ZFP91: variants seen among roughly 807,000 people sequenced by gnomAD.
The protein encoded by ZFP91 is ZFP91 zinc finger protein, atypical E3 ubiquitin ligase, also known as E3 ubiquitin-protein ligase ZFP91.
Under a neutral mutation model 63.5 loss-of-function variants are expected in ZFP91, and 7 were observed. That is an observed-to-expected ratio of 0.11 (90% CI 0.06 to 0.21). The LOEUF is 0.21. Ranked by LOEUF, ZFP91 falls within the 10% of genes least tolerant of loss-of-function variation. ZFP91 has a pLI of 1.00. For missense variants in ZFP91, 628 were observed against 736.6 expected, an observed-to-expected ratio of 0.85 and a Z score of 1.71; for synonymous variants, 330 against 272.1, an observed-to-expected ratio of 1.21 and a Z score of -2.10.
intron 4 of ZFP91, 148 bp from the exon 5 acceptor site, chr11:58,610,802 C>T (rs1855647382): frequency 3.3e-6 from 2 of 600,124 alleles, no homozygotes; most frequent in African/African-American, 1.9e-5. Context: ...GATAAAACAG[C>T]TAGATTTCAG....
At chr11:58,616,279 G>T (rs2507761) in intron 9 of ZFP91, among the ~76,000 whole-genome samples, 67,397 of 151,246 alleles carry the variant, frequency 0.45, 15,158 homozygotes, top group Middle Eastern at 0.57. Flanking sequence ...CCAAGTTCTT[G>T]TTTTTTGTTT....
chr11:58,599,474 A>G (rs191896331), intron 2 of ZFP91, among the ~76,000 whole-genome samples: 8 of 152,124 alleles, frequency 5.3e-5, no homozygotes, highest in East Asian at 3.9e-4. Context: ...AATGGTTCCA[A>G]TTTCTCTGCA....
At chr11:58,579,765 C>T (rs987500434) in intron 1 of ZFP91, 143 bp downstream of exon 1, 5 of 792,476 alleles carry the variant, frequency 6.3e-6, no homozygotes, top group Non-Finnish European at 9.2e-6. Flanking sequence ...ACACCGTTTC[C>T]CCGGGAGCCT....
chr11:58,606,100 C>T (rs989975367), intron 2 of ZFP91, among the ~76,000 whole-genome samples: 12 of 151,946 alleles, frequency 7.9e-5, no homozygotes, highest in Admixed American at 3.3e-4. Context: ...TCACTCTTGT[C>T]GCCTATGCTG....
chr11:58,590,523 A>C (rs1286944389), intron 2 of ZFP91, among the ~76,000 whole-genome samples: 1 of 152,206 alleles, frequency 6.6e-6, no homozygotes, highest in Non-Finnish European at 1.5e-5. Context: ...CAGTATAATC[A>C]ATCAGTTGTA....
intron 2 of ZFP91, among the ~76,000 whole-genome samples, chr11:58,605,562 A>AT (rs200532904): frequency 1.0e-3 from 148 of 147,222 alleles, no homozygotes; most frequent in Middle Eastern, 7.1e-3. Context: ...TTGCTTGACG[A>AT]TTTTTTTTTT....
intron 2 of ZFP91, among the ~76,000 whole-genome samples, chr11:58,602,657 A>T (rs1238151548): frequency 6.6e-6 from 1 of 152,202 alleles, no homozygotes; most frequent in Admixed American, 6.5e-5. Context: ...TAACTCAGGT[A>T]CCTGTGAATG....
chr11:58,589,835 A>G (rs1007852763), intron 2 of ZFP91, among the ~76,000 whole-genome samples: 1 of 152,204 alleles, frequency 6.6e-6, no homozygotes, highest in African/African-American at 2.4e-5. Flanking sequence ...TCCTACAAAT[A>G]AAGATATATG....
Position 58,617,071 on chromosome 11 carries a change from TG to T in ZFP91, c.1203-124del, listed in dbSNP as rs34076390. The T allele has an allele frequency of 2.1e-5, 4 of 186,426 alleles. No homozygotes were observed. Among genetic ancestry groups the T allele is most frequent in the South Asian group, 7.6e-5 (1 of 13,148 alleles). 11.5% of individuals were successfully genotyped at this position (186,426 alleles called of 1,614,324 possible). A position where few individuals can be genotyped will look rare whatever the true frequency, so the allele number is the denominator to read the frequency against. ...TCAAAAGAAGTATGTTACTGATTAT[TG>T]TGTGTGTGTGTGTGTGTGTGTGTGT... On this transcript the variant is annotated intron_variant, in intron 10 of 10. Coordinates refer to ENST00000316059, the MANE Select transcript of ZFP91 (RefSeq NM_053023.5). The surrounding 1 kb of genome is among the most constrained non-coding windows in gnomAD (Gnocchi z 4.2).
intron 5 of ZFP91, 25 bp downstream of exon 5, chr11:58,611,079 CAT>C (rs1322084809): frequency 6.3e-7 from 1 of 1,596,764 alleles, no homozygotes; most frequent in Non-Finnish European, 8.6e-7. Context: ...TTACTGCAGA[CAT>C]GTTAATGAAA....
chr11:58,610,255 T>C (rs371898091), intron 3 of ZFP91, 43 bp from the exon 4 acceptor site: 303 of 1,574,858 alleles, frequency 1.9e-4, no homozygotes, highest in Non-Finnish European at 2.4e-4. Context: ...AAATATCTTA[T>C]ATCTACACTA....
intron 2 of ZFP91, among the ~76,000 whole-genome samples, chr11:58,600,341 A>G (rs1855473295): frequency 6.6e-6 from 1 of 151,994 alleles, no homozygotes. Context: ...AAAGGTAATC[A>G]TTTTCTTAAT....
intron 2 of ZFP91, among the ~76,000 whole-genome samples, chr11:58,585,434 G>A (rs1855190144): frequency 6.6e-6 from 1 of 152,090 alleles, no homozygotes; most frequent in Admixed American, 6.5e-5. Context: ...TGCAGATTAG[G>A]TTATTAAAAT....
chr11:58,616,801 C>T lies in ZFP91; in HGVS notation c.1188C>T (p.Gly396=), dbSNP rs760197301. 3 of 1,613,620 alleles carry T rather than the reference C, an allele frequency of 1.9e-6. No homozygotes were observed. The highest frequency in any genetic ancestry group is 1.3e-5 in the African/African-American group (1 of 74,976). ...NLAVHRMIHT[G]EKPLQCEICG... is the part of the protein sequence containing the mutation. ...CAGTGCACCGGATGATTCACACTGGCGAGAAGCCATTACAGTGAGTATTAT... is the reference window on the plus strand; with the variant it reads ...CAGTGCACCGGATGATTCACACTGGTGAGAAGCCATTACAGTGAGTATTAT... The change falls in exon 10 of 11, where the codon GGC becomes GGT. Residue 396 remains glycine, a synonymous_variant. Coordinates refer to ENST00000316059, the MANE Select transcript of ZFP91 (RefSeq NM_053023.5).
rs1455668988 is a variant in ZFP91, at chr11:58,618,441, T to C, written c.*735T>C. On this transcript the variant is annotated 3_prime_UTR_variant, in exon 11 of 11. Transcript: ENST00000316059. ...GAGGGGGCTGCCCTCTACAGTCTCT[T>C]TGACTGTAAGACAGGGCTCTGTATC... 5.8e-6 allele frequency: 2 copies of C among 343,678 alleles called. No individual in the cohort carries two copies. The highest frequency in any genetic ancestry group is 2.3e-5 in the South Asian group (1 of 43,074). The allele number at this position is 343,678 out of a possible 1,614,324, so 21.3% of individuals were successfully genotyped here.
intron 2 of ZFP91, among the ~76,000 whole-genome samples, chr11:58,597,840 T>C (rs1855427622): frequency 1.3e-5 from 2 of 152,196 alleles, no homozygotes; most frequent in African/African-American, 4.8e-5. Context: ...TATTAAGCAA[T>C]TCAACTTTTT....
intron 2 of ZFP91, among the ~76,000 whole-genome samples, chr11:58,608,665 C>T (rs537076707): frequency 2.6e-4 from 39 of 152,168 alleles, no homozygotes; most frequent in South Asian, 2.1e-3. Context: ...AGTGCAGTGG[C>T]GCAGTCTCAG....
At chr11:58,592,239 A>G (rs1855320236) in intron 2 of ZFP91, among the ~76,000 whole-genome samples, 1 of 151,664 alleles carries the variant, frequency 6.6e-6, no homozygotes. Context: ...GTGTACCACC[A>G]CATCTGCCTA....
At chr11:58,597,885 A>C (rs1435178372) in intron 2 of ZFP91, among the ~76,000 whole-genome samples, 2 of 152,168 alleles carry the variant, frequency 1.3e-5, no homozygotes, top group African/African-American at 2.4e-5. Context: ...GCTTCTTGGA[A>C]GCACTTCCAG....
Sources: allele counts gnomAD v4.1 joint callset (sites outside exome capture counted in the v4.1 genomes callset), GRCh38; gene constraint gnomAD v4.1.1; non-coding constraint Gnocchi (gnomAD v3.1); transcripts MANE v1.5; gene names NCBI Gene and HGNC (gene_info 2026-07-23, HGNC 2026-07-21).